Variants in MAPKAP1 observed in about 807,000 individuals in gnomAD.
MAPKAP1 encodes MAPK associated protein 1.
A neutral mutation model predicts 65.7 loss-of-function variants in MAPKAP1; 20 were observed. That is an observed-to-expected ratio of 0.30 (90% CI 0.21 to 0.44). The LOEUF is 0.44. Among genes scored for constraint, MAPKAP1 ranks in the 20% least tolerant of loss-of-function variants. The probability of loss-of-function intolerance (pLI) is 1.00; values close to 1 mark genes in which losing one functional copy is unlikely to be tolerated. For synonymous variants in MAPKAP1, 222 were observed against 244.3 expected, an observed-to-expected ratio of 0.91 and a Z score of 0.85; for missense variants, 423 against 648.0, an observed-to-expected ratio of 0.65 and a Z score of 3.77.
At chr9:125,704,377 T>C (rs1486324736) in intron 1 of MAPKAP1, among the ~76,000 whole-genome samples, 1 of 152,180 alleles carries the variant, frequency 6.6e-6, no homozygotes, top group East Asian at 1.9e-4. Flanking sequence ...AAGTACTCAT[T>C]ACCTACCATC....
intron 7 of MAPKAP1, among the ~76,000 whole-genome samples, chr9:125,528,847 CAAAAAAAAAAAAA>C (rs61378848): frequency 2.3e-5 from 1 of 44,124 alleles, no homozygotes; most frequent in African/African-American, 9.7e-5. Flanking sequence ...GACTCCGTCT[CAAAAAAAAAAAAA>C]AAAAAAAAAA....
chr9:125,524,301 A>T (rs1262982502), intron 7 of MAPKAP1, among the ~76,000 whole-genome samples: 2 of 152,248 alleles, frequency 1.3e-5, no homozygotes, highest in Non-Finnish European at 2.9e-5. Context: ...CTGGTTCCTT[A>T]TCTCTAAGTG....
chr9:125,674,006 T>C (rs938688305), intron 1 of MAPKAP1, among the ~76,000 whole-genome samples: 15 of 152,108 alleles, frequency 9.9e-5, no homozygotes, highest in African/African-American at 3.4e-4. Flanking sequence ...AGTAACAAGA[T>C]AGCACCCTCT....
In MAPKAP1 at chr9:125,595,793, T is replaced by C. The variant is rs1832107088; in HGVS notation, c.499-10066A>G. The C allele has an allele frequency of 2.0e-5, 23 of 1,166,808 alleles. No individual in the cohort carries two copies. Among genetic ancestry groups the C allele is most frequent in the Non-Finnish European group, 2.8e-5 (22 of 789,314 alleles). 72.3% of individuals were successfully genotyped at this position (1,166,808 alleles called of 1,614,324 possible). A position where few individuals can be genotyped will look rare whatever the true frequency, so the allele number is the denominator to read the frequency against. ...TGAGCAATGGGGAACGCTCCCAGAC[T>C]GTGTGGTAATGAAAGATTCCAACAC... is the stretch of plus-strand genomic sequence containing the variant. On this transcript the variant is annotated intron_variant, in intron 4 of 11. Transcript: ENST00000265960. This position sits in a 1 kb window ranked among gnomAD's most constrained non-coding sequence, Gnocchi z 4.0.
At chr9:125,627,971 A>G (rs1014327277) in intron 4 of MAPKAP1, among the ~76,000 whole-genome samples, 1 of 152,196 alleles carries the variant, frequency 6.6e-6, no homozygotes, top group African/African-American at 2.4e-5. Context: ...TCTCTACGAC[A>G]AAGGCGGCCA....
chr9:125,591,174 A>C (rs1264977072), intron 4 of MAPKAP1, among the ~76,000 whole-genome samples: 1 of 152,182 alleles, frequency 6.6e-6, no homozygotes, highest in Non-Finnish European at 1.5e-5. Context: ...CTCAAACCTC[A>C]TGTCAGCCTG....
Position 125,484,598 on chromosome 9 carries a change from G to C in MAPKAP1, c.1067-15C>G, listed in dbSNP as rs549259218. 2 of 1,602,338 alleles carry C rather than the reference G, an allele frequency of 1.2e-6. No homozygotes were observed. Among genetic ancestry groups the C allele is most frequent in the Non-Finnish European group, 1.7e-6 (2 of 1,174,348 alleles). On this transcript the variant is annotated splice_polypyrimidine_tract_variant and intron_variant, in intron 8 of 11. Coordinates refer to ENST00000265960, the MANE Select transcript of MAPKAP1 (RefSeq NM_001006617.3). Reference sequence around the variant, plus strand: ...TGCCCTTGAACCTGGGGAGGAAAAGGCAGTTTAACACATAAAGATACATGA... The same window carrying C: ...TGCCCTTGAACCTGGGGAGGAAAAGCCAGTTTAACACATAAAGATACATGA...
intron 4 of MAPKAP1, among the ~76,000 whole-genome samples, chr9:125,601,769 C>A (rs1046727753): frequency 1.6e-4 from 24 of 152,178 alleles, no homozygotes; most frequent in African/African-American, 5.8e-4. Flanking sequence ...CACTTTCATC[C>A]TCAAAATGCA....
intron 9 of MAPKAP1, among the ~76,000 whole-genome samples, chr9:125,481,883 C>A (rs950971158): frequency 1.3e-5 from 2 of 151,746 alleles, no homozygotes; most frequent in African/African-American, 4.8e-5. Context: ...GTAATCCCAG[C>A]ACTTTGGGAG....
At chr9:125,524,434 T>C (rs886828601) in intron 7 of MAPKAP1, among the ~76,000 whole-genome samples, 1 of 152,258 alleles carries the variant, frequency 6.6e-6, no homozygotes, top group African/African-American at 2.4e-5. Flanking sequence ...AATACATTAA[T>C]ACAATTTTGC....
intron 3 of MAPKAP1, among the ~76,000 whole-genome samples, chr9:125,662,036 T>C (rs1834200168): frequency 6.6e-6 from 1 of 152,110 alleles, no homozygotes; most frequent in Non-Finnish European, 1.5e-5. Flanking sequence ...AAGAAAAATT[T>C]GAGATGATTA....
intron 3 of MAPKAP1, among the ~76,000 whole-genome samples, chr9:125,665,084 A>G (rs372631599): frequency 1.2e-4 from 18 of 152,054 alleles, no homozygotes; most frequent in African/African-American, 4.1e-4. Flanking sequence ...GGCGGATCAC[A>G]TGAGGCCAGG....
At chr9:125,651,224 T>C (rs527434943) in intron 4 of MAPKAP1, among the ~76,000 whole-genome samples, 12 of 152,262 alleles carry the variant, frequency 7.9e-5, no homozygotes, top group African/African-American at 2.9e-4. Flanking sequence ...CAAAAACTGA[T>C]CTATGAAAGG....
intron 4 of MAPKAP1, among the ~76,000 whole-genome samples, chr9:125,629,057 ACACAC>A (rs1283671058): frequency 6.2e-5 from 1 of 16,208 alleles, no homozygotes; most frequent in Admixed American, 5.3e-4. Context: ...CTGTCAAAAC[ACACAC>A]ACACACACAC....
intron 6 of MAPKAP1, among the ~76,000 whole-genome samples, chr9:125,552,908 T>C (rs772102555): frequency 3.3e-5 from 5 of 152,120 alleles, no homozygotes; most frequent in African/African-American, 7.2e-5. Flanking sequence ...TTTTTTTAAA[T>C]TAAAAACAAT....
intron 1 of MAPKAP1, among the ~76,000 whole-genome samples, chr9:125,677,323 C>T (rs1834675965): frequency 6.6e-6 from 1 of 152,038 alleles, no homozygotes; most frequent in African/African-American, 2.4e-5. Context: ...GGAAGAATTG[C>T]TTGAACCTGG....
chr9:125,481,185 C>T (rs1854302360), intron 9 of MAPKAP1, among the ~76,000 whole-genome samples: 2 of 152,130 alleles, frequency 1.3e-5, no homozygotes, highest in Admixed American at 1.3e-4. Flanking sequence ...TTGGGCTCCT[C>T]CCACAAAGCC....
At chr9:125,488,453 C>A (rs978512271) in intron 8 of MAPKAP1, among the ~76,000 whole-genome samples, 2 of 152,194 alleles carry the variant, frequency 1.3e-5, no homozygotes, top group Non-Finnish European at 2.9e-5. Context: ...GCAACCTCTA[C>A]CTCCCAGGTT....
At position 125,437,524 on chromosome 9, in the gene MAPKAP1, T is replaced by C. The variant is rs1287514724; in HGVS notation, c.*1363A>G. Reference sequence around the variant, plus strand: ...AAATTGCTAAAAATTCAAATACAGATAGCAAGCTACAAATATTTCTTTTGT... The same window carrying C: ...AAATTGCTAAAAATTCAAATACAGACAGCAAGCTACAAATATTTCTTTTGT... On this transcript the variant is annotated 3_prime_UTR_variant, in exon 12 of 12. Coordinates refer to ENST00000265960, the MANE Select transcript of MAPKAP1 (RefSeq NM_001006617.3). The C allele has an allele frequency of 6.6e-6, 1 of 152,616 alleles. No homozygotes were observed. The highest frequency in any genetic ancestry group is 1.5e-5 in the Non-Finnish European group (1 of 68,034). 9.5% of individuals were successfully genotyped at this position (152,616 alleles called of 1,614,324 possible). A position where few individuals can be genotyped will look rare whatever the true frequency, so the allele number is the denominator to read the frequency against.
Sources: gnomAD v4.1 joint callset for allele counts (sites outside exome capture counted in the v4.1 genomes callset) on GRCh38, gnomAD v4.1.1 for gene constraint, Gnocchi (gnomAD v3.1) non-coding constraint, MANE v1.5 for transcripts, NCBI Gene and HGNC (gene_info 2026-07-23, HGNC 2026-07-21) for gene names.